The following TSEN2 variants were observed in gnomAD, a reference collection of about 807,000 sequenced individuals.
TSEN2 encodes the protein tRNA-splicing endonuclease subunit Sen2.
TSEN2 carries 54 observed loss-of-function variants against 59.2 expected under a neutral mutation model. The ratio of observed to expected loss-of-function variants is 0.91; its 90% CI spans 0.73 to 1.14. TSEN2 has a LOEUF of 1.14. TSEN2 is among the 50% of genes most tolerant of loss of function. The pLI is 0.00. For synonymous variants in TSEN2, 195 were observed against 198.2 expected (o/e 0.98, Z 0.14); for missense variants, 636 against 576.2 (o/e 1.10, Z -1.06).
At chr3:12,480,524 C>CTTTTTTTT (rs2052178976), upstream of TSEN2, among the ~76,000 whole-genome samples, 2 of 108,644 alleles carry the variant, frequency 1.8e-5, no homozygotes, top group African/African-American at 4.0e-5. Context: ...TGTTTTGTTT[C>CTTTTTTTT]TTTGTTTTTT....
chr3:12,519,233 A>G (rs2125163733), intron 8 of TSEN2, 36 bp downstream of exon 8: 1 of 1,612,990 alleles, frequency 6.2e-7, no homozygotes, highest in East Asian at 2.2e-5. Context: ...GTGAGAATAG[A>G]GTTTATATCA....
intron 6 of TSEN2, among the ~76,000 whole-genome samples, chr3:12,510,463 T>G (rs1181237008): frequency 6.6e-6 from 1 of 152,242 alleles, no homozygotes; most frequent in African/African-American, 2.4e-5. Flanking sequence ...AAATTTCTCT[T>G]ATTTAGAAAA....
rs889468006 is a variant in TSEN2 at position 12,485,950 on chromosome 3, A to AAT, written c.-18+1082_-18+1083dup. On this transcript the variant is annotated intron_variant, in intron 1 of 11. Coordinates refer to ENST00000284995, the MANE Select transcript of TSEN2 (RefSeq NM_025265.4). ...AAATATTTGGAAAAAGAAATTTAAAAATATATATATATAACAATTATTTAG... is the reference window on the plus strand; with the variant it reads ...AAATATTTGGAAAAAGAAATTTAAAAATATATATATATATAACAATTATTTAG... Among the ~76,000 whole-genome samples, 35 of 150,348 alleles carry AAT rather than the reference A, an allele frequency of 2.3e-4. No homozygotes were observed. In the East Asian group the frequency reaches 2.5e-3, roughly 11 times the overall value.
intron 3 of TSEN2, among the ~76,000 whole-genome samples, chr3:12,493,894 C>T (rs975475377): frequency 1.3e-5 from 2 of 151,890 alleles, no homozygotes; most frequent in Admixed American, 6.6e-5. Flanking sequence ...TTTAAGAAAC[C>T]GTTGCCAAGT....
intron 1 of TSEN2, among the ~76,000 whole-genome samples, chr3:12,486,152 A>T (rs1223702848): frequency 1.3e-5 from 2 of 152,160 alleles, no homozygotes; most frequent in Non-Finnish European, 2.9e-5. Flanking sequence ...TGACTATAGT[A>T]CCCACATGTG....
chr3:12,480,528 G>GTTTTTTT (rs752340308), upstream of TSEN2, among the ~76,000 whole-genome samples: 24 of 91,750 alleles, frequency 2.6e-4, no homozygotes, highest in Non-Finnish European at 2.9e-4. Context: ...TTGTTTCTTT[G>GTTTTTTT]TTTTTTTTTT....
At chr3:12,519,219 G>A (rs768725342) in intron 8 of TSEN2, 22 bp downstream of exon 8, 2 of 1,614,134 alleles carry the variant, frequency 1.2e-6, no homozygotes, top group Non-Finnish European at 8.5e-7. Flanking sequence ...TTGGCGTGGT[G>A]TGTGTGAGAA....
At position 12,503,447 on chromosome 3, in the gene TSEN2, C is replaced by A. The variant is rs751660597; in HGVS notation, c.494C>A (p.Ala165Glu). 2 of 1,614,180 alleles carry A rather than the reference C, an allele frequency of 1.2e-6. No individual in the cohort carries two copies. Among genetic ancestry groups the A allele is most frequent in the Non-Finnish European group, 1.7e-6 (2 of 1,180,034 alleles). ...ATGGTTTCCAACATGGAAGGCACAGCAGGGGGAGAGAGACCTTCTGTGGTA... is the reference window on the plus strand; with the variant it reads ...ATGGTTTCCAACATGGAAGGCACAGAAGGGGGAGAGAGACCTTCTGTGGTA... Reference protein sequence around the residue: ...SGMVSNMEGTAGGERPSVVNG... With the variant: ...SGMVSNMEGTEGGERPSVVNG... The change falls in exon 5 of 12, where the codon GCA (alanine) becomes GAA (glutamate). Residue 165 changes from alanine to glutamate, a missense_variant. Physicochemically the swap from Ala to Glu is moderately radical, Grantham distance 107. Transcript: ENST00000284995.
At chr3:12,519,669 C>G (rs1456154807) in intron 8 of TSEN2, among the ~76,000 whole-genome samples, 1 of 152,064 alleles carries the variant, frequency 6.6e-6, no homozygotes, top group African/African-American at 2.4e-5. Flanking sequence ...TGGCGTGAAC[C>G]CGGGAGGCAG....
chr3:12,524,282 T>C (rs933299648), intron 8 of TSEN2, among the ~76,000 whole-genome samples: 3 of 152,200 alleles, frequency 2.0e-5, no homozygotes, highest in African/African-American at 7.2e-5. Flanking sequence ...ATCTACCTTT[T>C]AGTTTCCTAG....
intron 4 of TSEN2, among the ~76,000 whole-genome samples, chr3:12,496,816 A>C (rs2053793272): frequency 6.6e-6 from 1 of 152,172 alleles, no homozygotes; most frequent in Non-Finnish European, 1.5e-5. Flanking sequence ...TGTAATAGCT[A>C]TGTTATTAAG....
At chr3:12,517,275 A>G (rs2056223711) in intron 7 of TSEN2, among the ~76,000 whole-genome samples, 1 of 144,246 alleles carries the variant, frequency 6.9e-6, no homozygotes, top group Non-Finnish European at 1.5e-5. Context: ...GGAGAATGGC[A>G]TGAACCTGGG....
chr3:12,504,736 C>T (rs2054631818), intron 5 of TSEN2, among the ~76,000 whole-genome samples: 1 of 152,058 alleles, frequency 6.6e-6, no homozygotes, highest in African/African-American at 2.4e-5. Context: ...AAAAGCACTT[C>T]TTGGCCAAGC....
chr3:12,510,768 TGACTA>T (rs2125098864), intron 6 of TSEN2, among the ~76,000 whole-genome samples: 2 of 152,328 alleles, frequency 1.3e-5, no homozygotes, highest in South Asian at 4.1e-4. Flanking sequence ...CTACGTTGTT[TGACTA>T]GTCTCCCTCC....
intron 11 of TSEN2, 136 bp from the exon 12 acceptor site, chr3:12,532,526 T>G (rs991770658): frequency 6.2e-5 from 48 of 776,188 alleles, no homozygotes; most frequent in Non-Finnish European, 9.4e-5. Context: ...TCCAGATGTT[T>G]CTGTTCTAAA....
intron 4 of TSEN2, among the ~76,000 whole-genome samples, chr3:12,502,568 C>G (rs922917010): frequency 9.3e-5 from 14 of 150,866 alleles, no homozygotes; most frequent in Non-Finnish European, 2.1e-4. Context: ...AAAAAAAAAT[C>G]TTGATAAAGG....
At chr3:12,524,833 C>T (rs1389492960) in intron 8 of TSEN2, among the ~76,000 whole-genome samples, 4 of 151,516 alleles carry the variant, frequency 2.6e-5, no homozygotes, top group African/African-American at 9.7e-5. Context: ...ACCTCTGCCT[C>T]CCACATTCAA....
At chr3:12,516,260 G>GA (rs1368946862) in intron 6 of TSEN2, among the ~76,000 whole-genome samples, 1 of 151,900 alleles carries the variant, frequency 6.6e-6, no homozygotes, top group Non-Finnish European at 1.5e-5. Context: ...CGTCTCTACT[G>GA]AAAAAAATAC....
chr3:12,495,185 A>G (rs978134073), intron 3 of TSEN2, among the ~76,000 whole-genome samples: 1 of 151,992 alleles, frequency 6.6e-6, no homozygotes, highest in African/African-American at 2.4e-5. Flanking sequence ...AAACATAGAA[A>G]TGAAGTAACT....
Sources: allele counts gnomAD v4.1 joint callset (sites outside exome capture counted in the v4.1 genomes callset), GRCh38; gene constraint gnomAD v4.1.1; transcripts MANE v1.5; gene names NCBI Gene and HGNC (gene_info 2026-07-23, HGNC 2026-07-21).